POTEC: variants seen among roughly 807,000 people sequenced by gnomAD.
POTEC encodes the protein ANKRD26-like family B member 2.
Under a neutral mutation model 62.0 loss-of-function variants are expected in POTEC, and 35 were observed. That is an observed-to-expected ratio of 0.56 (90% CI 0.43 to 0.75). The LOEUF is 0.75. Ranked by LOEUF, POTEC falls within the 30% of genes least tolerant of loss-of-function variation. The pLI is 0.00. For missense variants in POTEC, 472 were observed against 655.9 expected (o/e 0.72, Z 3.06); for synonymous variants, 156 against 221.5 (o/e 0.70, Z 2.62).
chr18:14,518,787 G>A (rs1453811324), intron 9 of POTEC, among the ~76,000 whole-genome samples: 1 of 147,974 alleles, frequency 6.8e-6, no homozygotes, highest in East Asian at 2.0e-4. Flanking sequence ...TCACAGAGGT[G>A]TGCCTGGCAT....
intron 6 of POTEC, among the ~76,000 whole-genome samples, chr18:14,527,623 A>G (rs536346138): frequency 1.3e-5 from 2 of 152,106 alleles, no homozygotes; most frequent in South Asian, 2.1e-4. Context: ...TTATCACTAA[A>G]TCATATTGAC....
At position 14,543,163 on chromosome 18, in the gene POTEC, G is replaced by C; in HGVS notation, c.-17C>G. Reference sequence around the variant, plus strand: ...AGTCACCATCTGCTTTTAACAGCCCGGGGAGGCCGGTAGTAGCGAACAGAT... The same window carrying C: ...AGTCACCATCTGCTTTTAACAGCCCCGGGAGGCCGGTAGTAGCGAACAGAT... On this transcript the variant is annotated 5_prime_UTR_variant, in exon 1 of 11. Coordinates refer to ENST00000358970, the MANE Select transcript of POTEC (RefSeq NM_001137671.2). The C allele has an allele frequency of 6.2e-7, 1 of 1,605,698 alleles. No individual in the cohort carries two copies. Among genetic ancestry groups the C allele is most frequent in the Non-Finnish European group, 8.5e-7 (1 of 1,179,510 alleles).
In POTEC at chr18:14,533,262, G is replaced by A. The variant is rs530355141; in HGVS notation, c.918-64C>T. 3.7e-3 allele frequency: 5,849 copies of A among 1,574,572 alleles called. 185 individuals carry two copies. In the African/African-American group the frequency reaches 0.07, roughly 19 times the overall value. On this transcript the variant is annotated intron_variant, in intron 4 of 10. Coordinates refer to ENST00000358970, the MANE Select transcript of POTEC (RefSeq NM_001137671.2). ...ATAAAGTTATTTTAAAAGCTAATTTGATATACTTTACCAATTTAACATCTT... is the reference window on the plus strand; with the variant it reads ...ATAAAGTTATTTTAAAAGCTAATTTAATATACTTTACCAATTTAACATCTT...
intron 1 of POTEC, among the ~76,000 whole-genome samples, chr18:14,542,195 C>T (rs1905956728): frequency 6.6e-6 from 1 of 152,032 alleles, no homozygotes; most frequent in East Asian, 1.9e-4. Flanking sequence ...CAGTAAAGAA[C>T]GTATTTACAT....
chr18:14,539,984 A>G (rs1420850359), intron 1 of POTEC, among the ~76,000 whole-genome samples: 10 of 152,164 alleles, frequency 6.6e-5, no homozygotes, highest in Non-Finnish European at 1.5e-5. Flanking sequence ...TGGAAGTTCA[A>G]TATTTTTAAA....
At chr18:14,521,186 C>T (rs1004365147) in intron 9 of POTEC, among the ~76,000 whole-genome samples, 3 of 152,112 alleles carry the variant, frequency 2.0e-5, no homozygotes, top group African/African-American at 7.2e-5. Flanking sequence ...TATTTCGGCA[C>T]TCAGGCACTG....
In POTEC at chr18:14,509,103, TGA is replaced by T. The variant is rs1909924743; in HGVS notation, c.*2793_*2794del. On this transcript the variant is annotated 3_prime_UTR_variant, in exon 11 of 11. Coordinates refer to ENST00000358970, the MANE Select transcript of POTEC (RefSeq NM_001137671.2). ...CCTCGAGGTTTGGAGTCCACTGCACTGAGGGGACCAAAGTGCAGCAGCTGTGG... is the reference window on the plus strand; with the variant it reads ...CCTCGAGGTTTGGAGTCCACTGCACTGGGGACCAAAGTGCAGCAGCTGTGG... The T allele has an allele frequency of 6.6e-6, 1 of 152,264 alleles. No individual in the cohort carries two copies. Among genetic ancestry groups the T allele is most frequent in the South Asian group, 2.1e-4 (1 of 4,828 alleles). 9.4% of individuals were successfully genotyped at this position (152,264 alleles called of 1,614,324 possible). A position where few individuals can be genotyped will look rare whatever the true frequency, so the allele number is the denominator to read the frequency against.
At chr18:14,524,779 A>T (rs1910393924) in intron 7 of POTEC, 134 bp downstream of exon 7, 6 of 855,960 alleles carry the variant, frequency 7.0e-6, no homozygotes, top group African/African-American at 1.8e-5. Flanking sequence ...GAATCTTATT[A>T]AAAAATTCTT....
chr18:14,509,418 T>C lies in POTEC; in HGVS notation c.*2480A>G, dbSNP rs1265294875. 6.6e-6 allele frequency: 1 copy of C among 151,806 alleles called. No homozygotes were observed. Among genetic ancestry groups the C allele is most frequent in the African/African-American group, 2.4e-5 (1 of 41,316 alleles). The allele number at this position is 151,806 out of a possible 1,614,324, so 9.4% of individuals were successfully genotyped here. ...GGGGTTTTTGGTTCTGTGCCCACCA[T>C]GGCTTCATCTTCAGTGGCAGTTGGT... On this transcript the variant is annotated 3_prime_UTR_variant, in exon 11 of 11. Transcript: ENST00000358970.
At position 14,543,405 on chromosome 18, in the gene POTEC, A is replaced by T. The variant is rs1235339889; in HGVS notation, c.-259T>A. 4 of 621,476 alleles carry T rather than the reference A, an allele frequency of 6.4e-6. No individual in the cohort carries two copies. The Admixed American group carries it at 1.2e-4, about 19-fold the overall frequency. 38.5% of individuals were successfully genotyped at this position (621,476 alleles called of 1,614,324 possible). On this transcript the variant is annotated 5_prime_UTR_variant, in exon 1 of 11. Transcript: ENST00000358970. Reference sequence around the variant, plus strand: ...AGGCCAAGCCCCCCCTCCCAAGGAAACACCCAGCCCAGTCAAGGGAATGCC... The same window carrying T: ...AGGCCAAGCCCCCCCTCCCAAGGAATCACCCAGCCCAGTCAAGGGAATGCC...
rs1905981681 is a variant in POTEC, at chr18:14,542,672, C to T, written c.475G>A (p.Val159Ile). Residue 159 changes from valine to isoleucine, a missense_variant, in exon 1 of 11, where the codon GTC becomes ATC. Val to Ile is a conservative substitution (Grantham distance 29, BLOSUM62 3). This residue lies in a region of POTEC where 257 missense variants were observed against 250.7 expected (regional missense o/e 1.03). Transcript: ENST00000358970. ...TTCATGTCCGTGTCCCTGAGCATGA[C>T]GATGAGATCCTTTCTGGGGACCTTA... The part of the protein sequence containing the change: ...WGKVPRKDLI[V>I]MLRDTDMNKR... 5.0e-6 allele frequency: 8 copies of T among 1,612,794 alleles called. No homozygotes were observed. The highest frequency in any genetic ancestry group is 2.7e-5 in the African/African-American group (2 of 74,820).
At chr18:14,517,436 G>C (rs1910193313) in intron 9 of POTEC, among the ~76,000 whole-genome samples, 2 of 152,046 alleles carry the variant, frequency 1.3e-5, no homozygotes, top group African/African-American at 2.4e-5. Flanking sequence ...TGCCTGACCA[G>C]TATTCCTCTT....
intron 9 of POTEC, among the ~76,000 whole-genome samples, chr18:14,520,198 C>G (rs536063620): frequency 6.6e-6 from 1 of 152,044 alleles, no homozygotes; most frequent in Non-Finnish European, 1.5e-5. Context: ...TCAAATTTTA[C>G]ATAACAGGTG....
chr18:14,518,459 G>A (rs1910223186), intron 9 of POTEC, among the ~76,000 whole-genome samples: 1 of 151,642 alleles, frequency 6.6e-6, no homozygotes, highest in Admixed American at 6.6e-5. Context: ...AAGAAATGAT[G>A]ACATAAGGTT....
intron 1 of POTEC, among the ~76,000 whole-genome samples, chr18:14,541,121 C>T (rs914296845): frequency 9.2e-5 from 14 of 152,168 alleles, no homozygotes; most frequent in African/African-American, 3.4e-4. Context: ...AAACTCCTGA[C>T]CTCGTGATCC....
Position 14,513,703 on chromosome 18 carries a change from G to C in POTEC, c.1492C>G (p.Gln498Glu). Residue 498 changes from glutamine to glutamate, a missense_variant, in exon 10 of 11, where the codon CAA becomes GAA. Physicochemically the swap from Gln to Glu is conservative, Grantham distance 29. Around this residue, in one of 5 missense-constraint regions of POTEC, gnomAD observed 67 missense variants for 58.3 expected, o/e 1.15. Coordinates refer to ENST00000358970, the MANE Select transcript of POTEC (RefSeq NM_001137671.2). ...ISQDEILTNK[Q>E]KQIEVAEKKM... ...TTTTCAGCCACTTCTATCTGCTTTT[G>C]TTTATTAGTCAGAATCTCATCTTGT... The C allele has an allele frequency of 6.2e-7, 1 of 1,611,492 alleles. No individual in the cohort carries two copies. Among genetic ancestry groups the C allele is most frequent in the South Asian group, 1.1e-5 (1 of 90,878 alleles).
chr18:14,540,293 T>C (rs894270733), intron 1 of POTEC, among the ~76,000 whole-genome samples: 1 of 152,196 alleles, frequency 6.6e-6, no homozygotes, highest in Non-Finnish European at 1.5e-5. Flanking sequence ...TCTATGCAAG[T>C]AGCATATTCC....
intron 1 of POTEC, among the ~76,000 whole-genome samples, chr18:14,539,160 G>C (rs1308174802): frequency 1.3e-5 from 2 of 151,866 alleles, no homozygotes; most frequent in Non-Finnish European, 1.5e-5. Context: ...TCAATACTTA[G>C]ATTTATAAAA....
At position 14,537,605 on chromosome 18, in the gene POTEC, T is replaced by G. The variant is rs535595029; in HGVS notation, c.810+196A>C. ...AAAAAAGCATTAACCACAAGTGCACTGAAAAAACTGTACCCTCTAATGCTT... is the reference window on the plus strand; with the variant it reads ...AAAAAAGCATTAACCACAAGTGCACGGAAAAAACTGTACCCTCTAATGCTT... On this transcript the variant is annotated intron_variant, in intron 3 of 10. Coordinates refer to ENST00000358970, the MANE Select transcript of POTEC (RefSeq NM_001137671.2). Among the ~76,000 whole-genome samples the G allele has an allele frequency of 1.5e-3, 222 of 152,242 alleles. 2 individuals are homozygous for G. Among genetic ancestry groups the G allele is most frequent in the African/African-American group, 4.9e-3 (204 of 41,540 alleles).
Sources: gnomAD v4.1 joint callset for allele counts (sites outside exome capture counted in the v4.1 genomes callset) on GRCh38, gnomAD v4.1.1 for gene constraint, gnomAD v4.1.1 regional missense constraint, MANE v1.5 for transcripts, NCBI Gene and HGNC (gene_info 2026-07-23, HGNC 2026-07-21) for gene names.